Variants in KAT5 observed in about 807,000 individuals in gnomAD.
The protein encoded by KAT5 is lysine acetyltransferase 5.
KAT5 carries 31 observed loss-of-function variants against 68.1 expected under a neutral mutation model. The observed-to-expected ratio is 0.46, with a 90% CI of 0.34 to 0.61. The LOEUF is 0.61. Among genes scored for constraint, KAT5 ranks in the 20% least tolerant of loss-of-function variants. KAT5 has a pLI of 0.01. For missense variants in KAT5, 451 were observed against 725.5 expected (o/e 0.62, Z 4.35); for synonymous variants, 365 against 292.6 (o/e 1.25, Z -2.52).
In KAT5 at chr11:65,713,389, G is replaced by C; in HGVS notation, c.426G>C (p.Pro142=). 5.6e-6 allele frequency: 9 copies of C among 1,613,890 alleles called. No homozygotes were observed. Among genetic ancestry groups the C allele is most frequent in the Non-Finnish European group, 7.6e-6 (9 of 1,179,984 alleles). The change falls in exon 4 of 13, where the codon CCG becomes CCC. Residue 142 remains proline (P), a synonymous_variant. Coordinates refer to ENST00000341318, the MANE Select transcript of KAT5 (RefSeq NM_182710.3). ...AQASGKTLPI[P]VQITLRFNLP... ...CCAGCGGGAAGACCTTGCCAATCCC[G>C]GTCCAGATCACACTCCGCTTCAACC...
At chr11:65,712,183 T>C, upstream of KAT5, 4 of 1,332,466 alleles carry the variant, frequency 3.0e-6, no homozygotes, top group South Asian at 1.9e-5. Context: ...CTACAGGGGC[T>C]TCGTGAGGCC....
upstream of KAT5, chr11:65,712,247 G>A (rs1438189399): frequency 2.8e-6 from 4 of 1,404,260 alleles, no homozygotes; most frequent in African/African-American, 1.5e-5. Flanking sequence ...GGGGCCGGAA[G>A]TGGCAGTGGA....
chr11:65,715,595 C>G (rs1160952232), intron 8 of KAT5, among the ~76,000 whole-genome samples: 2 of 151,500 alleles, frequency 1.3e-5, no homozygotes, highest in African/African-American at 2.4e-5. Context: ...CCTGTCTCTA[C>G]TAAAAAGTAC....
upstream of KAT5, chr11:65,712,037 C>G: frequency 2.4e-6 from 1 of 408,872 alleles, no homozygotes; most frequent in East Asian, 3.7e-5. Flanking sequence ...ACTCAGTAGA[C>G]CGCCACTGGC....
Position 65,713,495 on chromosome 11 carries a change from C to T in KAT5, c.532C>T (p.Arg178Cys), listed in dbSNP as rs760317113. The T allele has an allele frequency of 4.3e-6, 7 of 1,614,228 alleles. No homozygotes were observed. Among genetic ancestry groups the T allele is most frequent in the Non-Finnish European group, 5.9e-6 (7 of 1,180,036 alleles). ...CAGCTCCTGCCTGCAGCCCAACCAC[C>T]GCTCAACGGTACCCTCAGCAATTCC... Reference protein sequence around the residue: ...SSSSCLQPNHRSTKRKVEVVS... With the variant: ...SSSSCLQPNHCSTKRKVEVVS... Residue 178 changes from arginine (R) to cysteine (C), a missense_variant, in exon 4 of 13, where the codon CGC becomes TGC. Arg to Cys is a radical substitution (Grantham distance 180). Transcript: ENST00000341318.
rs1565206920 is a variant in KAT5, at chr11:65,713,435, A to AT, written c.474dup (p.Pro159SerfsTer6). On this transcript the variant is annotated frameshift_variant, in exon 4 of 13. Coordinates refer to ENST00000341318, the MANE Select transcript of KAT5 (RefSeq NM_182710.3). LOFTEE classifies it high-confidence loss of function. ...CAACCTGCCCAAGGAGCGGGAGGCC[A>AT]TTCCCGGTGGCGAGCCTGACCAGCC... 1 of 1,613,794 alleles carries AT rather than the reference A, an allele frequency of 6.2e-7. No homozygotes were observed. Among genetic ancestry groups the AT allele is most frequent in the Non-Finnish European group, 8.5e-7 (1 of 1,179,932 alleles).
At chr11:65,713,702 C>T in intron 5 of KAT5, 35 bp downstream of exon 5, 2 of 1,613,662 alleles carry the variant, frequency 1.2e-6, no homozygotes, top group Non-Finnish European at 8.5e-7. Flanking sequence ...TTCTCTTCCT[C>T]TCTTCTACTC....
At position 65,713,413 on chromosome 11, in the gene KAT5, C is replaced by A; in HGVS notation, c.450C>A (p.Asn150Lys). Residue 150 changes from asparagine to lysine, a missense_variant, in exon 4 of 13, where the codon AAC (asparagine) becomes AAA (lysine). This residue lies in a region of KAT5 where 135 missense variants were observed against 173.4 expected (regional missense o/e 0.78). Transcript: ENST00000341318. ...PIPVQITLRF[N>K]LPKEREAIPG... ...CGGTCCAGATCACACTCCGCTTCAA[C>A]CTGCCCAAGGAGCGGGAGGCCATTC... 6.2e-7 allele frequency: 1 copy of A among 1,614,184 alleles called. No homozygotes were observed. The highest frequency in any genetic ancestry group is 8.5e-7 in the Non-Finnish European group (1 of 1,180,028).
At position 65,718,583 on chromosome 11, in the gene KAT5, G is replaced by A. The variant is rs770248485; in HGVS notation, c.1265-7G>A. Reference sequence around the variant, plus strand: ...CTTACTCACCCTCTCCTGCTCCATTGCTTTAGGCTATGAACTCTCCAAAGT... The same window carrying A: ...CTTACTCACCCTCTCCTGCTCCATTACTTTAGGCTATGAACTCTCCAAAGT... On this transcript the variant is annotated splice_polypyrimidine_tract_variant and splice_region_variant and intron_variant, in intron 10 of 12. Transcript: ENST00000341318. 4 of 1,613,446 alleles carry A rather than the reference G, an allele frequency of 2.5e-6. No individual in the cohort carries two copies. Among genetic ancestry groups the A allele is most frequent in the Non-Finnish European group, 3.4e-6 (4 of 1,179,552 alleles).
intron 8 of KAT5, chr11:65,715,379 G>A (rs1158945103): frequency 5.2e-6 from 1 of 191,184 alleles, no homozygotes; most frequent in Non-Finnish European, 1.1e-5. Flanking sequence ...GAGCTTAGGT[G>A]ATGAAGATGC....
intron 8 of KAT5, 41 bp from the exon 9 acceptor site, chr11:65,716,626 G>A: frequency 6.2e-7 from 1 of 1,601,728 alleles, no homozygotes. Context: ...CCAGGCTCAA[G>A]GCGGGATACC....
intron 5 of KAT5, 24 bp from the exon 6 acceptor site, chr11:65,713,750 C>T (rs752514360): frequency 8.7e-6 from 14 of 1,613,826 alleles, no homozygotes; most frequent in Middle Eastern, 1.6e-4. Flanking sequence ...ACAGCCATCC[C>T]TTCTTTTCCT....
At chr11:65,715,813 G>C (rs1225628872) in intron 8 of KAT5, 1 of 152,000 alleles carries the variant, frequency 6.6e-6, no homozygotes, top group Non-Finnish European at 1.5e-5. Flanking sequence ...GCTCATACCT[G>C]TAACCCCAGC....
In KAT5 at chr11:65,719,180, G is replaced by A. The variant is rs757335339; in HGVS notation, c.1640G>A (p.Ter547=). ...PKDWSKRGKW[*] is the part of the protein sequence containing the mutation. Reference sequence around the variant, plus strand: ...GACTGGAGCAAGAGGGGGAAGTGGTGACCAGACACTGCCCACTGCAGTGCC... The same window carrying A: ...GACTGGAGCAAGAGGGGGAAGTGGTAACCAGACACTGCCCACTGCAGTGCC... The change falls in exon 13 of 13, where the codon TGA becomes TAA. Residue 547 remains the stop codon, a stop_retained_variant. Coordinates refer to ENST00000341318, the MANE Select transcript of KAT5 (RefSeq NM_182710.3). 1.2e-6 allele frequency: 2 copies of A among 1,613,648 alleles called. No homozygotes were observed. The highest frequency in any genetic ancestry group is 2.7e-5 in the African/African-American group (2 of 75,066).
intron 8 of KAT5, chr11:65,715,304 A>G: frequency 3.9e-6 from 1 of 258,572 alleles, no homozygotes; most frequent in East Asian, 8.6e-5. Flanking sequence ...TCTTTGTGAA[A>G]GGCAGAGATC....
rs758120315 is a variant in KAT5, at chr11:65,712,917, T to G, written c.248-5T>G. The G allele has an allele frequency of 6.2e-7, 1 of 1,614,128 alleles. No homozygotes were observed. The highest frequency in any genetic ancestry group is 1.1e-5 in the South Asian group (1 of 91,080). On this transcript the variant is annotated splice_polypyrimidine_tract_variant and splice_region_variant and intron_variant, in intron 2 of 12. Coordinates refer to ENST00000341318, the MANE Select transcript of KAT5 (RefSeq NM_182710.3). ...TTCTGTCCTGAGCCATCCCCACTGC[T>G]ACAGTCAACAAACGTCTGGATGAAT...
chr11:65,714,413 G>A (rs1857129332), intron 6 of KAT5, 82 bp from the exon 7 acceptor site: 1 of 1,522,522 alleles, frequency 6.6e-7, no homozygotes, highest in Admixed American at 1.8e-5. Context: ...AGGCTTGAAG[G>A]AAACCTGTCA....
Position 65,712,304 on chromosome 11 carries a change from C to T in KAT5, c.37C>T (p.Arg13Trp), listed in dbSNP as rs757220104. The T allele has an allele frequency of 1.4e-6, 2 of 1,459,922 alleles. No individual in the cohort carries two copies. The highest frequency in any genetic ancestry group is 1.8e-6 in the Non-Finnish European group (2 of 1,109,312). 90.4% of individuals were successfully genotyped at this position (1,459,922 alleles called of 1,614,324 possible). A position where few individuals can be genotyped will look rare whatever the true frequency, so the allele number is the denominator to read the frequency against. The change falls in exon 1 of 13, where the codon CGG becomes TGG. Residue 13 changes from arginine to tryptophan, a missense_variant. This residue lies in a region of KAT5 where 104 missense variants were observed against 107.3 expected (regional missense o/e 0.97). Coordinates refer to ENST00000341318, the MANE Select transcript of KAT5 (RefSeq NM_182710.3). ...EVVSPVPGAG[R>W]REPGEVGRAR... ...GGTGAGTCCGGTGCCCGGGGCGGGG[C>T]GGAGGGAGCCAGGGGAGGTGGGTAG...
At chr11:65,716,844 T>G (rs1857211816) in intron 9 of KAT5, 37 bp downstream of exon 9, 3 of 1,614,054 alleles carry the variant, frequency 1.9e-6, no homozygotes, top group African/African-American at 1.3e-5. Context: ...TGCCCTGTCC[T>G]GAGCCAGATC....
Sources: gnomAD v4.1 joint callset for allele counts (sites outside exome capture counted in the v4.1 genomes callset) on GRCh38, gnomAD v4.1.1 for gene constraint, gnomAD v4.1.1 regional missense constraint, MANE v1.5 for transcripts, NCBI Gene and HGNC (gene_info 2026-07-23, HGNC 2026-07-21) for gene names.